Variants in CTNNA2 observed in about 807,000 individuals in gnomAD.
CTNNA2 encodes catenin alpha 2.
Under a neutral mutation model 101.0 loss-of-function variants are expected in CTNNA2, and 42 were observed. The observed-to-expected ratio is 0.42, with a 90% CI of 0.32 to 0.54. CTNNA2 has a LOEUF of 0.54. Among genes scored for constraint, CTNNA2 ranks in the 20% least tolerant of loss-of-function variants. The pLI is 0.14. For missense variants in CTNNA2, 871 were observed against 1,223.1 expected, an observed-to-expected ratio of 0.71 and a Z score of 4.29; for synonymous variants, 450 against 456.4, an observed-to-expected ratio of 0.99 and a Z score of 0.18.
At chr2:79,362,891 G>A (rs538916128) in intron 3 of CTNNA2, among the ~76,000 whole-genome samples, 10 of 152,294 alleles carry the variant, frequency 6.6e-5, no homozygotes, top group African/African-American at 2.4e-4. Context: ...AGAGACTGGG[G>A]ACTATTTGTT....
At chr2:80,258,244 C>G (rs1352350457) in intron 7 of CTNNA2, among the ~76,000 whole-genome samples, 2 of 152,170 alleles carry the variant, frequency 1.3e-5, no homozygotes. Context: ...CAATTCTTCT[C>G]AGACTGAAGT....
At chr2:79,531,607 A>G (rs1440253369) in intron 1 of CTNNA2, among the ~76,000 whole-genome samples, 1 of 152,120 alleles carries the variant, frequency 6.6e-6, no homozygotes, top group African/African-American at 2.4e-5. Context: ...GTGTGTAAGC[A>G]TTGACACAAA....
chr2:79,803,641 T>C (rs1676339893), intron 3 of CTNNA2, among the ~76,000 whole-genome samples: 1 of 152,244 alleles, frequency 6.6e-6, no homozygotes, highest in Admixed American at 6.5e-5. Context: ...GTGCTGGTGT[T>C]AGGGCCATTA....
At chr2:80,426,524 T>C (rs1681008382) in intron 9 of CTNNA2, among the ~76,000 whole-genome samples, 1 of 152,132 alleles carries the variant, frequency 6.6e-6, no homozygotes, top group African/African-American at 2.4e-5. Flanking sequence ...CCCACAGGCC[T>C]CTTTTATCTG....
intron 1 of CTNNA2, among the ~76,000 whole-genome samples, chr2:79,529,506 C>G (rs564016141): frequency 6.6e-6 from 1 of 152,030 alleles, no homozygotes; most frequent in East Asian, 1.9e-4. Context: ...CAGGAGGTGA[C>G]AGTTATAGCT....
intron 2 of CTNNA2, among the ~76,000 whole-genome samples, chr2:79,287,695 C>G (rs1048302823): frequency 1.5e-3 from 233 of 152,220 alleles, no homozygotes; most frequent in African/African-American, 5.5e-3. Context: ...TTACTGCTGT[C>G]TTTTTGTTTG....
intron 7 of CTNNA2, among the ~76,000 whole-genome samples, chr2:80,374,214 T>C (rs1197061249): frequency 6.6e-6 from 1 of 152,212 alleles, no homozygotes; most frequent in Non-Finnish European, 1.5e-5. Context: ...CAGTCCTCCC[T>C]GGCTTCCTCT....
intron 7 of CTNNA2, among the ~76,000 whole-genome samples, chr2:80,054,262 T>C (rs942260838): frequency 6.6e-6 from 1 of 152,154 alleles, no homozygotes; most frequent in Non-Finnish European, 1.5e-5. Context: ...TAAAAACAAC[T>C]CCAGCGGGTT....
chr2:79,220,562 G>T lies in CTNNA2; in HGVS notation c.-406+22486G>T, dbSNP rs187412940. 4.9e-3 allele frequency among the ~76,000 whole-genome samples: 741 copies of T among 152,150 alleles called. 2 individuals carry two copies. Among genetic ancestry groups the T allele is most frequent in the Non-Finnish European group, 7.2e-3 (491 of 68,014 alleles). ...CAGGTGGCCCAAGTGAGAAGGGCCA[G>T]ATGGAGGAGGCAAGGAGGGCGATAC... On this transcript the variant is annotated intron_variant, in intron 2 of 21. Coordinates refer to the CTNNA2 transcript ENST00000466387.
intron 7 of CTNNA2, among the ~76,000 whole-genome samples, chr2:80,062,776 G>T (rs1206836739): frequency 7.0e-6 from 1 of 143,564 alleles, no homozygotes; most frequent in East Asian, 2.1e-4. Context: ...CACTATCTCA[G>T]CTCACTGCAA....
At chr2:79,534,625 C>G (rs1463368778) in intron 1 of CTNNA2, among the ~76,000 whole-genome samples, 1 of 151,862 alleles carries the variant, frequency 6.6e-6, no homozygotes, top group African/African-American at 2.4e-5. Context: ...ACTCTTAACC[C>G]ATGATCACCT....
At chr2:79,447,844 AC>A (rs1678850524) in intron 4 of CTNNA2, among the ~76,000 whole-genome samples, 1 of 152,070 alleles carries the variant, frequency 6.6e-6, no homozygotes, top group Non-Finnish European at 1.5e-5. Context: ...GGAAACTGCC[AC>A]TTTTACCATA....
At chr2:79,387,086 T>A (rs1402521155) in intron 4 of CTNNA2, among the ~76,000 whole-genome samples, 2 of 152,190 alleles carry the variant, frequency 1.3e-5, no homozygotes, top group African/African-American at 4.8e-5. Context: ...ATGATTTACT[T>A]TACTTTTTTC....
At chr2:79,762,255 C>T (rs971585003) in intron 3 of CTNNA2, among the ~76,000 whole-genome samples, 3 of 152,118 alleles carry the variant, frequency 2.0e-5, no homozygotes, top group African/African-American at 4.8e-5. Flanking sequence ...TCAACCCAGG[C>T]GTGGTTTGCC....
intron 2 of CTNNA2, among the ~76,000 whole-genome samples, chr2:79,283,171 T>C (rs1458538391): frequency 3.9e-5 from 4 of 103,602 alleles, no homozygotes; most frequent in African/African-American, 1.1e-4. Context: ...CTTTGTCAGA[T>C]GAGTAGGTTG....
chr2:80,113,656 G>A (rs372435872), intron 7 of CTNNA2, among the ~76,000 whole-genome samples: 3 of 152,326 alleles, frequency 2.0e-5, no homozygotes, highest in East Asian at 1.9e-4. Flanking sequence ...AAACCATCTG[G>A]CATGTAAGCC....
intron 3 of CTNNA2, among the ~76,000 whole-genome samples, chr2:79,808,252 A>G (rs1676731242): frequency 6.6e-6 from 1 of 152,172 alleles, no homozygotes; most frequent in Non-Finnish European, 1.5e-5. Context: ...TGGGGGTTGC[A>G]TGTATGAAAG....
intron 1 of CTNNA2, among the ~76,000 whole-genome samples, chr2:79,570,097 C>CA (rs1158728970): frequency 6.6e-6 from 1 of 152,136 alleles, no homozygotes; most frequent in Non-Finnish European, 1.5e-5. Flanking sequence ...TATCCACATG[C>CA]ATCAATTATA....
In CTNNA2 at chr2:80,539,321, TTTG is replaced by T. The variant is rs201550094; in HGVS notation, c.1291-5643_1291-5641del. Among the ~76,000 whole-genome samples the T allele has an allele frequency of 1.4e-3, 176 of 122,542 alleles. 2 individuals are homozygous for T. The East Asian group carries it at 0.019, about 13-fold the overall frequency. The allele number at this position is 122,542 out of a possible 152,430, so 80.4% of individuals were successfully genotyped here. Reference sequence around the variant, plus strand: ...CATAGGCTCTCCTTGCTTTTTTTTTTTTGTTGTTGTTGTTGTTGTTCTTTCTAG... The same window carrying T: ...CATAGGCTCTCCTTGCTTTTTTTTTTTTGTTGTTGTTGTTGTTCTTTCTAG... On this transcript the variant is annotated intron_variant, in intron 9 of 18. Transcript: ENST00000402739.
Sources: gnomAD v4.1 joint callset for allele counts (sites outside exome capture counted in the v4.1 genomes callset) on GRCh38, gnomAD v4.1.1 for gene constraint, MANE v1.5 for transcripts, NCBI Gene and HGNC (gene_info 2026-07-23, HGNC 2026-07-21) for gene names.